The following DLGAP2 variants were observed in gnomAD, a reference collection of about 807,000 sequenced individuals.
DLGAP2 encodes the protein DLG associated protein 2.
In DLGAP2, 26 loss-of-function variants were observed where a neutral mutation model predicts 100.3. The observed-to-expected ratio is 0.26, with a 90% CI of 0.19 to 0.36. The LOEUF is 0.36. Ranked by LOEUF, DLGAP2 falls within the 10% of genes least tolerant of loss-of-function variation. The pLI is 1.00. For synonymous variants in DLGAP2, 886 were observed against 630.1 expected (o/e 1.41, Z -6.08); for missense variants, 1,858 against 1,453.2 (o/e 1.28, Z -4.53).
intron 1 of DLGAP2, among the ~76,000 whole-genome samples, chr8:768,947 G>C (rs936133789): frequency 6.6e-6 from 1 of 152,084 alleles, no homozygotes; most frequent in African/African-American, 2.4e-5. Flanking sequence ...TCTGAACCTT[G>C]GGCGTCCGCA....
At chr8:1,226,330 T>C (rs1402178366) in intron 2 of DLGAP2, among the ~76,000 whole-genome samples, 2 of 152,158 alleles carry the variant, frequency 1.3e-5, no homozygotes, top group East Asian at 3.9e-4. Flanking sequence ...GGCGCATAGA[T>C]GAAGCTGGAA....
chr8:1,191,959 G>C (rs1269728243), intron 2 of DLGAP2, among the ~76,000 whole-genome samples: 1 of 152,190 alleles, frequency 6.6e-6, no homozygotes, highest in African/African-American at 2.4e-5. Context: ...TGCATGTGTA[G>C]CAATGACTTC....
At chr8:864,991 C>G (rs1042550103) in intron 1 of DLGAP2, among the ~76,000 whole-genome samples, 1 of 152,148 alleles carries the variant, frequency 6.6e-6, no homozygotes, top group Non-Finnish European at 1.5e-5. Context: ...CAGATATAAA[C>G]TTGTTGAACA....
At chr8:980,614 G>A (rs1340723191) in intron 2 of DLGAP2, among the ~76,000 whole-genome samples, 2 of 152,170 alleles carry the variant, frequency 1.3e-5, no homozygotes, top group Non-Finnish European at 2.9e-5. Flanking sequence ...GAACTCTGTT[G>A]ACACAGAGGT....
At chr8:741,244 G>C (rs370748131) in intron 1 of DLGAP2, among the ~76,000 whole-genome samples, 22 of 152,356 alleles carry the variant, frequency 1.4e-4, no homozygotes, top group African/African-American at 5.3e-4. Context: ...GCATGGGGTC[G>C]TAGGGTGTGC....
chr8:990,429 CCCCCA>C (rs1563131968), intron 2 of DLGAP2, among the ~76,000 whole-genome samples: 1 of 41,562 alleles, frequency 2.4e-5, no homozygotes, highest in African/African-American at 1.1e-4. Flanking sequence ...ACCCCCTGCA[CCCCCA>C]TACTCGGAGT....
intron 2 of DLGAP2, among the ~76,000 whole-genome samples, chr8:1,028,072 C>T (rs553978584): frequency 2.2e-5 from 3 of 133,870 alleles, no homozygotes; most frequent in Non-Finnish European, 3.1e-5. Context: ...GGTGGGGTGC[C>T]AAGCGCCCGT....
At chr8:1,216,239 C>G (rs1254917488) in intron 2 of DLGAP2, among the ~76,000 whole-genome samples, 1 of 152,186 alleles carries the variant, frequency 6.6e-6, no homozygotes, top group Non-Finnish European at 1.5e-5. Flanking sequence ...GAACTGAGGT[C>G]TCAATTACTC....
chr8:1,477,783 A>T (rs1430576423), intron 3 of DLGAP2, among the ~76,000 whole-genome samples: 1 of 138,134 alleles, frequency 7.2e-6, no homozygotes, highest in African/African-American at 2.8e-5. Flanking sequence ...GCCTAGAATA[A>T]TTGAAAGGTG....
chr8:861,629 A>T (rs967277441), intron 1 of DLGAP2, among the ~76,000 whole-genome samples: 4 of 152,260 alleles, frequency 2.6e-5, no homozygotes, highest in African/African-American at 9.6e-5. Context: ...ATGTGAAATC[A>T]AATATGGAAT....
intron 2 of DLGAP2, among the ~76,000 whole-genome samples, chr8:989,865 G>C (rs1252837644): frequency 6.6e-6 from 1 of 152,096 alleles, no homozygotes; most frequent in East Asian, 1.9e-4. Flanking sequence ...AGCTGCTCTT[G>C]TCACTTAAAA....
In DLGAP2 at chr8:1,603,401, TG is replaced by T. The variant is rs1327851201; in HGVS notation, c.1443-23337del. On this transcript the variant is annotated intron_variant, in intron 6 of 14. Transcript: ENST00000637795. ...GGCTGGGTCTCAGTTCTGTAGAGGC[TG>T]GTTAGAGTGGAGGCTGGGTCTCAGT... Among the ~76,000 whole-genome samples the T allele has an allele frequency of 5.9e-5, 9 of 151,292 alleles. No homozygotes were observed. The East Asian group carries it at 1.8e-3, about 30-fold the overall frequency.
chr8:1,243,680 C>T (rs1005329773), intron 2 of DLGAP2, among the ~76,000 whole-genome samples: 1 of 152,082 alleles, frequency 6.6e-6, no homozygotes, highest in African/African-American at 2.4e-5. Context: ...GGGGCTGGAG[C>T]CTGCCGATGC....
chr8:1,651,696 C>T (rs1032625642), intron 8 of DLGAP2, among the ~76,000 whole-genome samples: 1 of 152,216 alleles, frequency 6.6e-6, no homozygotes, highest in Admixed American at 6.5e-5. Context: ...CTGTGTAGCC[C>T]TCCCCATGTG....
chr8:739,559 A>G (rs1820429675), intron 1 of DLGAP2: 1 of 152,262 alleles, frequency 6.6e-6, no homozygotes, highest in Non-Finnish European at 1.5e-5. Flanking sequence ...TCTCTGAGAA[A>G]GGTAATAGAT....
intron 3 of DLGAP2, among the ~76,000 whole-genome samples, chr8:1,390,507 G>A (rs1261417339): frequency 6.6e-6 from 1 of 152,168 alleles, no homozygotes; most frequent in Non-Finnish European, 1.5e-5. Context: ...GGACCTCTGT[G>A]TACTGCACTG....
At chr8:1,303,402 C>CA (rs374350701) in intron 3 of DLGAP2, among the ~76,000 whole-genome samples, 3,716 of 124,788 alleles carry the variant, frequency 0.03, 52 homozygotes, top group South Asian at 0.046. Context: ...GTCTCAAAAA[C>CA]AAAAAAAAAA....
intron 2 of DLGAP2, among the ~76,000 whole-genome samples, chr8:1,120,240 C>G (rs10503160): frequency 0.29 from 44,306 of 151,988 alleles, 7,400 homozygotes; most frequent in Non-Finnish European, 0.39. Context: ...TGGCTCACAC[C>G]CAGACACGGA....
chr8:1,183,396 G>A (rs1217296746), intron 2 of DLGAP2, among the ~76,000 whole-genome samples: 1 of 152,222 alleles, frequency 6.6e-6, no homozygotes, highest in Non-Finnish European at 1.5e-5. Context: ...GTGTGCAAGT[G>A]TGTTTTCTGA....
Sources: gnomAD v4.1 joint callset for allele counts (sites outside exome capture counted in the v4.1 genomes callset) on GRCh38, gnomAD v4.1.1 for gene constraint, MANE v1.5 for transcripts, NCBI Gene and HGNC (gene_info 2026-07-23, HGNC 2026-07-21) for gene names.